ZMAT4: variants seen among roughly 807,000 people sequenced by gnomAD.
The protein encoded by ZMAT4 is zinc finger matrin-type protein 4.
Under a neutral mutation model 28.7 loss-of-function variants are expected in ZMAT4, and 17 were observed. The observed-to-expected ratio is 0.59, with a 90% CI of 0.41 to 0.89. ZMAT4 has a LOEUF of 0.89. Ranked by LOEUF, ZMAT4 falls within the 40% of genes least tolerant of loss-of-function variation. The pLI, the probability that ZMAT4 is intolerant of heterozygous loss-of-function variation, is 0.00. For missense variants in ZMAT4, 240 were observed against 283.8 expected (o/e 0.85, Z 1.11); for synonymous variants, 117 against 109.2 (o/e 1.07, Z -0.44).
At chr8:40,772,109 C>CT (rs1813411960) in intron 2 of ZMAT4, among the ~76,000 whole-genome samples, 2 of 152,196 alleles carry the variant, frequency 1.3e-5, no homozygotes, top group South Asian at 2.1e-4. Context: ...ATCCCAGGCT[C>CT]TTTTTTGCAT....
chr8:40,695,737 A>G (rs1322503187), intron 4 of ZMAT4, among the ~76,000 whole-genome samples: 3 of 142,802 alleles, frequency 2.1e-5, no homozygotes. Flanking sequence ...CTGTATTTAA[A>G]TTCACAAAGA....
At chr8:40,887,709 G>A (rs573037869) in intron 1 of ZMAT4, among the ~76,000 whole-genome samples, 18 of 152,120 alleles carry the variant, frequency 1.2e-4, no homozygotes, top group African/African-American at 3.1e-4. Context: ...CCAGAGACAC[G>A]GCAGAGGGGA....
chr8:40,660,197 C>T (rs1808123580), intron 5 of ZMAT4, among the ~76,000 whole-genome samples: 1 of 152,142 alleles, frequency 6.6e-6, no homozygotes, highest in Non-Finnish European at 1.5e-5. Context: ...ACATCATACT[C>T]ACCTTCTAAA....
At chr8:40,727,446 C>G (rs1423980477) in intron 3 of ZMAT4, among the ~76,000 whole-genome samples, 1 of 152,214 alleles carries the variant, frequency 6.6e-6, no homozygotes, top group Non-Finnish European at 1.5e-5. Context: ...GCAAAGGCCA[C>G]AGCTTAATCC....
chr8:40,574,313 T>C (rs562696931), intron 6 of ZMAT4, among the ~76,000 whole-genome samples: 7 of 152,178 alleles, frequency 4.6e-5, no homozygotes, highest in Admixed American at 2.0e-4. Flanking sequence ...TAAAAGTTGA[T>C]ACAAAGGGCC....
At chr8:40,794,175 G>A (rs1197127926) in intron 2 of ZMAT4, among the ~76,000 whole-genome samples, 1 of 152,204 alleles carries the variant, frequency 6.6e-6, no homozygotes, top group East Asian at 1.9e-4. Context: ...TGCATAATGT[G>A]GTGCAGAACT....
intron 2 of ZMAT4, among the ~76,000 whole-genome samples, chr8:40,816,971 C>T (rs1586104309): frequency 6.6e-6 from 1 of 152,134 alleles, no homozygotes; most frequent in Non-Finnish European, 1.5e-5. Flanking sequence ...CCCAGGGAAA[C>T]TTCTCAGTTG....
chr8:40,708,002 C>T (rs997087765), intron 3 of ZMAT4, among the ~76,000 whole-genome samples: 1 of 152,004 alleles, frequency 6.6e-6, no homozygotes, highest in African/African-American at 2.4e-5. Context: ...TCTAAATTCC[C>T]AAATAAAAAT....
chr8:40,792,039 T>C (rs1814349235), intron 2 of ZMAT4, among the ~76,000 whole-genome samples: 1 of 152,206 alleles, frequency 6.6e-6, no homozygotes, highest in Non-Finnish European at 1.5e-5. Context: ...TAAAACTAGC[T>C]ATGGGGTTGA....
At chr8:40,701,641 C>CT (rs1391723542) in intron 3 of ZMAT4, among the ~76,000 whole-genome samples, 7 of 149,786 alleles carry the variant, frequency 4.7e-5, no homozygotes, top group African/African-American at 1.7e-4. Flanking sequence ...TCTCAGCCTC[C>CT]TGAGTAGCTG....
chr8:40,583,414 C>T (rs1225698598), intron 5 of ZMAT4, among the ~76,000 whole-genome samples: 1 of 152,150 alleles, frequency 6.6e-6, no homozygotes, highest in Non-Finnish European at 1.5e-5. Flanking sequence ...CCCAAAAGGG[C>T]TGCCTGAAGT....
intron 1 of ZMAT4, among the ~76,000 whole-genome samples, chr8:40,894,211 C>T (rs1818793167): frequency 1.3e-5 from 2 of 152,238 alleles, no homozygotes; most frequent in South Asian, 4.1e-4. Flanking sequence ...TGCTTCGAAG[C>T]ATCTGCCCTG....
Position 40,756,204 on chromosome 8 carries a change from G to A in ZMAT4, c.192+11437C>T, listed in dbSNP as rs1005313794. Among the ~76,000 whole-genome samples the A allele has an allele frequency of 1.3e-5, 2 of 152,044 alleles. 1 individual carries two copies. Among genetic ancestry groups the A allele is most frequent in the South Asian group, 4.2e-4 (2 of 4,810 alleles). On this transcript the variant is annotated intron_variant, in intron 3 of 6. Coordinates refer to ENST00000297737, the MANE Select transcript of ZMAT4 (RefSeq NM_024645.3). The stretch of plus-strand genomic sequence containing the variant: ...TACAGAGCAGACTCTCAAACATCAA[G>A]TTCTGTGTATTTGTCTTAAAAAACA...
intron 1 of ZMAT4, among the ~76,000 whole-genome samples, chr8:40,843,239 A>G (rs1170415023): frequency 6.6e-6 from 1 of 152,202 alleles, no homozygotes; most frequent in African/African-American, 2.4e-5. Flanking sequence ...GACCTTGTTT[A>G]TAAATATGAA....
chr8:40,830,019 C>T (rs1269016539), intron 1 of ZMAT4, among the ~76,000 whole-genome samples: 3 of 152,046 alleles, frequency 2.0e-5, no homozygotes, highest in Non-Finnish European at 4.4e-5. Flanking sequence ...GAGCCAGGTC[C>T]CGAAATGTTT....
intron 2 of ZMAT4, among the ~76,000 whole-genome samples, chr8:40,782,984 G>A (rs1194579643): frequency 1.3e-5 from 2 of 152,174 alleles, no homozygotes; most frequent in African/African-American, 4.8e-5. Context: ...AAATGGTGTG[G>A]CCAGTTTGGC....
At chr8:40,834,509 TTC>T (rs1180222967) in intron 1 of ZMAT4, among the ~76,000 whole-genome samples, 1 of 152,102 alleles carries the variant, frequency 6.6e-6, no homozygotes, top group African/African-American at 2.4e-5. Context: ...ATCACTTGGA[TTC>T]TCTCTTTATT....
At chr8:40,854,193 G>T (rs571143477) in intron 1 of ZMAT4, among the ~76,000 whole-genome samples, 28 of 152,304 alleles carry the variant, frequency 1.8e-4, no homozygotes, top group South Asian at 1.5e-3. Flanking sequence ...AGATTTGGAA[G>T]GGACGCATAG....
At chr8:40,596,742 T>C (rs1805119082) in intron 5 of ZMAT4, among the ~76,000 whole-genome samples, 1 of 152,238 alleles carries the variant, frequency 6.6e-6, no homozygotes, top group Admixed American at 6.5e-5. Flanking sequence ...TGTGAATTTG[T>C]CTACTTGCTA....
Sources: gnomAD v4.1 joint callset for allele counts (sites outside exome capture counted in the v4.1 genomes callset) on GRCh38, gnomAD v4.1.1 for gene constraint, MANE v1.5 for transcripts, NCBI Gene and HGNC (gene_info 2026-07-23, HGNC 2026-07-21) for gene names.